TUT4: variants seen among roughly 807,000 people sequenced by gnomAD.
The protein encoded by TUT4 is terminal uridylyl transferase 4.
A neutral mutation model predicts 192.2 loss-of-function variants in TUT4; 36 were observed. The ratio of observed to expected loss-of-function variants is 0.19; its 90% CI spans 0.14 to 0.25. The LOEUF is 0.25. Ranked by LOEUF, TUT4 falls within the 10% of genes least tolerant of loss-of-function variation. The pLI, the probability that TUT4 is intolerant of heterozygous loss-of-function variation, is 1.00. For synonymous variants in TUT4, 618 were observed against 666.0 expected (o/e 0.93, Z 1.11); for missense variants, 1,493 against 1,957.2 (o/e 0.76, Z 4.47).
chr1:52,468,340 T>C, intron 14 of TUT4, 73 bp from the exon 15 acceptor site: 1 of 1,202,604 alleles, frequency 8.3e-7, no homozygotes, highest in Non-Finnish European at 1.1e-6. Flanking sequence ...TCTTCAAGTT[T>C]TTACCCTAAA....
At chr1:52,497,215 C>CA (rs34809739) in intron 4 of TUT4, 32 bp from the exon 5 acceptor site, 34 of 1,531,348 alleles carry the variant, frequency 2.2e-5, no homozygotes, top group African/African-American at 2.8e-5. Context: ...ACAATAAAAA[C>CA]AAAAAAAGTT....
intron 28 of TUT4, among the ~76,000 whole-genome samples, chr1:52,429,332 G>A (rs560431286): frequency 9.9e-5 from 15 of 151,598 alleles, no homozygotes; most frequent in South Asian, 8.4e-4. Flanking sequence ...TGATCCACCC[G>A]CCTCAGCCTC....
intron 10 of TUT4, 43 bp from the exon 11 acceptor site, chr1:52,481,678 T>TAAAA: frequency 7.7e-7 from 1 of 1,304,844 alleles, no homozygotes; most frequent in Non-Finnish European, 1.0e-6. Context: ...AAAAATTATT[T>TAAAA]AAAAAAAAAA....
In TUT4 at chr1:52,516,052, T is replaced by C. The variant is rs1393832089; in HGVS notation, c.721A>G (p.Lys241Glu). The C allele has an allele frequency of 6.2e-7, 1 of 1,612,178 alleles. No homozygotes were observed. Among genetic ancestry groups the C allele is most frequent in the Admixed American group, 1.7e-5 (1 of 59,826 alleles). ...TTATTAGATTCATCATTCTTCATTT[T>C]ACCTAGAAAAGAAAGCAATCACTCA... ...GIEDVSDDLS[K>E]MKNDESNKEN... Residue 241 changes from lysine to glutamate, a missense_variant and splice_region_variant, in exon 3 of 30, where the codon AAA becomes GAA. Lys to Glu is a moderately conservative substitution (Grantham distance 56). Around this residue, in one of 7 missense-constraint regions of TUT4, gnomAD observed 437 missense variants for 577.6 expected, o/e 0.76. Coordinates refer to ENST00000257177, the MANE Select transcript of TUT4 (RefSeq NM_001009881.3).
chr1:52,457,330 G>A (rs1254304951), intron 20 of TUT4, among the ~76,000 whole-genome samples: 1 of 151,666 alleles, frequency 6.6e-6, no homozygotes, highest in African/African-American at 2.4e-5. Flanking sequence ...CTGCCTCCCG[G>A]GTTCAAGCAA....
At chr1:52,539,138 A>T (rs928404799) in intron 1 of TUT4, among the ~76,000 whole-genome samples, 3 of 152,216 alleles carry the variant, frequency 2.0e-5, no homozygotes, top group Non-Finnish European at 2.9e-5. Flanking sequence ...GGGATAGATT[A>T]AAAAAACTAA....
At chr1:52,475,903 G>A (rs1454440248) in intron 12 of TUT4, among the ~76,000 whole-genome samples, 1 of 151,842 alleles carries the variant, frequency 6.6e-6, no homozygotes, top group Non-Finnish European at 1.5e-5. Context: ...GGAGTACAGT[G>A]CTATGATCTC....
chr1:52,543,084 C>G (rs1687155393), intron 1 of TUT4, among the ~76,000 whole-genome samples: 1 of 152,126 alleles, frequency 6.6e-6, no homozygotes, highest in Non-Finnish European at 1.5e-5. Flanking sequence ...CAACACAGTA[C>G]TGGAAGTTCT....
chr1:52,444,969 ATGTATATGTG>A (rs1271838848), intron 24 of TUT4, among the ~76,000 whole-genome samples: 1 of 150,400 alleles, frequency 6.6e-6, no homozygotes, highest in Non-Finnish European at 1.5e-5. Flanking sequence ...ATGTATATAC[ATGTATATGTG>A]TGTATATATA....
chr1:52,512,477 C>T (rs1357467368), intron 3 of TUT4, among the ~76,000 whole-genome samples: 1 of 152,034 alleles, frequency 6.6e-6, no homozygotes, highest in Admixed American at 6.6e-5. Flanking sequence ...AGAGCTAGAC[C>T]CAATGACTCC....
intron 4 of TUT4, among the ~76,000 whole-genome samples, chr1:52,503,300 CAA>C (rs1674666462): frequency 6.6e-6 from 1 of 151,702 alleles, no homozygotes; most frequent in Non-Finnish European, 1.5e-5. Flanking sequence ...AGCTTACAGT[CAA>C]GAGAGAAAGA....
rs898432073 is a variant in TUT4, at chr1:52,466,613, T to C, written c.2966-1440A>G. Among the ~76,000 whole-genome samples the C allele has an allele frequency of 3.4e-5, 5 of 148,420 alleles. No individual in the cohort carries two copies. The East Asian group carries it at 8.0e-4, about 24-fold the overall frequency. On this transcript the variant is annotated intron_variant, in intron 15 of 29. Coordinates refer to ENST00000257177, the MANE Select transcript of TUT4 (RefSeq NM_001009881.3). ...TGATCACATGATTGCACCACTGCAG[T>C]TGAGCCCGGGTGACAGAGTAATATC...
At chr1:52,540,245 G>A (rs1227688526) in intron 1 of TUT4, among the ~76,000 whole-genome samples, 8 of 117,748 alleles carry the variant, frequency 6.8e-5, no homozygotes, top group African/African-American at 1.3e-4. Flanking sequence ...GGCCGGACGC[G>A]GTGGCTCATG....
At chr1:52,549,666 T>C (rs1688907382) in intron 1 of TUT4, among the ~76,000 whole-genome samples, 1 of 152,244 alleles carries the variant, frequency 6.6e-6, no homozygotes, top group African/African-American at 2.4e-5. Context: ...CAACATCACA[T>C]ATACATTATA....
At chr1:52,533,683 T>A (rs569984276) in intron 1 of TUT4, among the ~76,000 whole-genome samples, 7 of 152,168 alleles carry the variant, frequency 4.6e-5, no homozygotes, top group African/African-American at 7.2e-5. Flanking sequence ...AAAGGAAACA[T>A]GAGGCCAGGC....
At position 52,463,074 on chromosome 1, in the gene TUT4, G is replaced by C. The variant is rs1475794902; in HGVS notation, c.3070-1305C>G. 10 of 982,862 alleles carry C rather than the reference G, an allele frequency of 1.0e-5. No homozygotes were observed. In the East Asian group the frequency reaches 1.0e-3, roughly 100 times the overall value. 60.9% of individuals were successfully genotyped at this position (982,862 alleles called of 1,614,324 possible). On this transcript the variant is annotated intron_variant, in intron 16 of 29. Coordinates refer to ENST00000257177, the MANE Select transcript of TUT4 (RefSeq NM_001009881.3). ...CTTTATTATTCAACGATACAATTATGCTAATCTTAAAAGTTTCAATTATGG... is the reference window on the plus strand; with the variant it reads ...CTTTATTATTCAACGATACAATTATCCTAATCTTAAAAGTTTCAATTATGG...
intron 10 of TUT4, 67 bp downstream of exon 10, chr1:52,481,735 TGA>T: frequency 6.5e-7 from 1 of 1,545,370 alleles, no homozygotes; most frequent in Non-Finnish European, 8.7e-7. Flanking sequence ...TTAAAATGTT[TGA>T]GCAGAGTTCT....
intron 24 of TUT4, 85 bp from the exon 25 acceptor site, chr1:52,438,420 G>T: frequency 1.1e-6 from 1 of 874,250 alleles, no homozygotes; most frequent in Non-Finnish European, 1.8e-6. Context: ...TGCAAACATG[G>T]TTTATTTTTA....
intron 9 of TUT4, among the ~76,000 whole-genome samples, chr1:52,487,442 C>CA (rs951284557): frequency 3.3e-5 from 5 of 151,044 alleles, no homozygotes; most frequent in African/African-American, 1.2e-4. Flanking sequence ...GACCTCATCT[C>CA]AAAAAACAAA....
Sources: allele counts gnomAD v4.1 joint callset (sites outside exome capture counted in the v4.1 genomes callset), GRCh38; gene constraint gnomAD v4.1.1; regional missense constraint gnomAD v4.1.1; transcripts MANE v1.5; gene names NCBI Gene and HGNC (gene_info 2026-07-23, HGNC 2026-07-21).